The following ZSCAN30 variants were observed in gnomAD, a reference collection of about 807,000 sequenced individuals.
The protein encoded by ZSCAN30 is zinc finger and SCAN domain containing 30.
In ZSCAN30, 37 loss-of-function variants were observed where a neutral mutation model predicts 44.3. The ratio of observed to expected loss-of-function variants is 0.84; its 90% CI spans 0.64 to 1.10. The LOEUF (loss-of-function observed/expected upper bound fraction) is 1.10, where lower values mean the gene tolerates loss of function less well. Ranked by LOEUF, ZSCAN30 falls within the 50% of genes least tolerant of loss-of-function variation. The pLI, the probability that ZSCAN30 is intolerant of heterozygous loss-of-function variation, is 0.00. For synonymous variants in ZSCAN30, 181 were observed against 204.6 expected, an observed-to-expected ratio of 0.88 and a Z score of 0.98; for missense variants, 549 against 582.6, an observed-to-expected ratio of 0.94 and a Z score of 0.59.
At chr18:35,285,325 T>C (rs1345195200) in intron 1 of ZSCAN30, 1 of 152,226 alleles carries the variant, frequency 6.6e-6, no homozygotes, top group African/African-American at 2.4e-5. Context: ...ATACTCATCT[T>C]TCAATAATTA....
In ZSCAN30 at chr18:35,254,142, T is replaced by C; in HGVS notation, c.793A>G (p.Arg265Gly). ...AGGACACTGTGTTCTGTGGGGATTC[T>C]TCTGTTGAAGGTTGCCAGACTGAAA... is the stretch of plus-strand genomic sequence containing the variant. ...RHFSLATFNR[R>G]IPTEHSVLES... The change falls in exon 4 of 4, where the codon AGA becomes GGA. Residue 265 changes from arginine to glycine, a missense_variant. Arg to Gly is a moderately radical substitution (Grantham distance 125, BLOSUM62 -2). Coordinates refer to ENST00000333206, the MANE Select transcript of ZSCAN30 (RefSeq NM_001112734.4). The C allele has an allele frequency of 6.2e-7, 1 of 1,614,206 alleles. No individual in the cohort carries two copies. Among genetic ancestry groups the C allele is most frequent in the Non-Finnish European group, 8.5e-7 (1 of 1,180,000 alleles).
At chr18:35,270,685 A>G (rs1361176966) in intron 1 of ZSCAN30, among the ~76,000 whole-genome samples, 1 of 152,138 alleles carries the variant, frequency 6.6e-6, no homozygotes, top group African/African-American at 2.4e-5. Flanking sequence ...GGCTCAAGCA[A>G]TTCTCCTGTC....
intron 1 of ZSCAN30, among the ~76,000 whole-genome samples, chr18:35,286,741 T>G (rs2044558816): frequency 6.6e-6 from 1 of 152,058 alleles, no homozygotes; most frequent in Non-Finnish European, 1.5e-5. Flanking sequence ...AAGACAAAGA[T>G]TTCCCCTTTC....
At chr18:35,271,951 C>T (rs1052139181) in intron 1 of ZSCAN30, among the ~76,000 whole-genome samples, 35 of 152,122 alleles carry the variant, frequency 2.3e-4, no homozygotes, top group Admixed American at 1.4e-3. Context: ...GTGCGGGGCC[C>T]GCCGAGCCCG....
intron 3 of ZSCAN30, chr18:35,258,082 A>G (rs2143675332): frequency 4.0e-6 from 3 of 746,568 alleles, no homozygotes; most frequent in Non-Finnish European, 7.4e-6. Flanking sequence ...TCTTACAATC[A>G]TATCACAGTG....
chr18:35,289,384 C>T (rs1359531284), intron 1 of ZSCAN30: 5 of 152,174 alleles, frequency 3.3e-5, no homozygotes, highest in African/African-American at 1.2e-4. Context: ...AGTCATACAT[C>T]CCTAAATTTC....
chr18:35,257,937 G>GT, intron 3 of ZSCAN30: 1 of 780,968 alleles, frequency 1.3e-6, no homozygotes, highest in African/African-American at 1.7e-5. Flanking sequence ...GATTTTTCCT[G>GT]AAGAACACAT....
rs545180078 is a variant in ZSCAN30, at chr18:35,251,158, T to C, written c.*2292A>G. On this transcript the variant is annotated 3_prime_UTR_variant, in exon 4 of 4. Transcript: ENST00000333206. ...TTGAAATTAGTTACCAAAAATCATT[T>C]ACTAAACAGTAGTTTTACTAAAAAT... 14 of 152,212 alleles carry C rather than the reference T, an allele frequency of 9.2e-5. No homozygotes were observed. The highest frequency in any genetic ancestry group is 1.0e-4 in the Non-Finnish European group (7 of 68,038). 9.4% of individuals were successfully genotyped at this position (152,212 alleles called of 1,614,324 possible).
At chr18:35,260,690 A>C (rs1375881227) in intron 3 of ZSCAN30, 1 of 151,912 alleles carries the variant, frequency 6.6e-6, no homozygotes, top group African/African-American at 2.4e-5. Flanking sequence ...TCCTTTGCCC[A>C]CTTTTTAATG....
At chr18:35,286,721 G>A (rs182175736) in intron 1 of ZSCAN30, among the ~76,000 whole-genome samples, 1 of 152,072 alleles carries the variant, frequency 6.6e-6, no homozygotes, top group Admixed American at 6.5e-5. Context: ...CTTCACTTAA[G>A]ATTGGAAAAA....
At chr18:35,263,373 G>T in intron 3 of ZSCAN30, 140 bp downstream of exon 3, 1 of 1,049,514 alleles carries the variant, frequency 9.5e-7, no homozygotes, top group Middle Eastern at 3.3e-4. Flanking sequence ...CAGAGCCTAA[G>T]GAAGAATATT....
rs558851994 is a variant in ZSCAN30 at position 35,251,413 on chromosome 18, C to G, written c.*2037G>C. The G allele has an allele frequency of 1.3e-5, 2 of 152,274 alleles. No homozygotes were observed. The highest frequency in any genetic ancestry group is 3.9e-4 in the East Asian group (2 of 5,182). 9.4% of individuals were successfully genotyped at this position (152,274 alleles called of 1,614,324 possible). A position where few individuals can be genotyped will look rare whatever the true frequency, so the allele number is the denominator to read the frequency against. ...TATCCATTTGAAAGATCCCTTTAGA[C>G]TTCTGATCGACCTCACTCGATAACT... On this transcript the variant is annotated 3_prime_UTR_variant, in exon 4 of 4. Coordinates refer to ENST00000333206, the MANE Select transcript of ZSCAN30 (RefSeq NM_001112734.4).
intron 1 of ZSCAN30, among the ~76,000 whole-genome samples, chr18:35,271,280 T>G (rs564255193): frequency 6.6e-6 from 1 of 152,118 alleles, no homozygotes; most frequent in African/African-American, 2.4e-5. Context: ...TTTTATAGAG[T>G]GCTGATTGGT....
intron 1 of ZSCAN30, among the ~76,000 whole-genome samples, chr18:35,265,616 T>G (rs996375221): frequency 2.0e-5 from 3 of 152,086 alleles, no homozygotes; most frequent in African/African-American, 7.2e-5. Context: ...ATGGGCAAGG[T>G]GAATGTAGAA....
intron 1 of ZSCAN30, among the ~76,000 whole-genome samples, chr18:35,266,133 C>T (rs891472308): frequency 2.0e-5 from 3 of 152,200 alleles, no homozygotes; most frequent in African/African-American, 4.8e-5. Context: ...GAGTCAGAAT[C>T]TCCATGGGAC....
intron 3 of ZSCAN30, chr18:35,258,319 C>T (rs1343216500): frequency 1.2e-5 from 3 of 247,252 alleles, no homozygotes; most frequent in Non-Finnish European, 2.3e-5. Context: ...GTCACTATTA[C>T]TGATATGGTG....
Position 35,263,616 on chromosome 18 carries a change from T to C in ZSCAN30, c.450A>G (p.Thr150=). ...HGQEMFWQEM[T]STGALKSLSL... ...ACAGAGACTTCAGTGCTCCTGTGGATGTCATTTCCTGCCAGAACATTTCTT... is the reference window on the plus strand; with the variant it reads ...ACAGAGACTTCAGTGCTCCTGTGGACGTCATTTCCTGCCAGAACATTTCTT... The change falls in exon 3 of 4, where the codon ACA becomes ACG. Residue 150 remains threonine (T), a synonymous_variant. Transcript: ENST00000333206. 6.2e-7 allele frequency: 1 copy of C among 1,614,184 alleles called. No individual in the cohort carries two copies. The highest frequency in any genetic ancestry group is 8.5e-7 in the Non-Finnish European group (1 of 1,180,034).
chr18:35,274,064 G>T (rs964181933), intron 1 of ZSCAN30, among the ~76,000 whole-genome samples: 11 of 152,076 alleles, frequency 7.2e-5, no homozygotes, highest in African/African-American at 2.7e-4. Flanking sequence ...TGCTCAGGCT[G>T]GAGTGCAGTG....
At chr18:35,258,568 C>G (rs2043920830) in intron 3 of ZSCAN30, 1 of 152,562 alleles carries the variant, frequency 6.6e-6, no homozygotes, top group Admixed American at 6.5e-5. Flanking sequence ...GAGTGAGAGG[C>G]TTAGTTAAAA....
Sources: gnomAD v4.1 joint callset for allele counts (sites outside exome capture counted in the v4.1 genomes callset) on GRCh38, gnomAD v4.1.1 for gene constraint, MANE v1.5 for transcripts, NCBI Gene and HGNC (gene_info 2026-07-23, HGNC 2026-07-21) for gene names.